MYOM2: variants seen among roughly 807,000 people sequenced by gnomAD.
MYOM2 encodes the protein myomesin-2.
A neutral mutation model predicts 187.6 loss-of-function variants in MYOM2; 254 were observed. The observed-to-expected ratio is 1.35, with a 90% CI of 1.22 to 1.50. The LOEUF is 1.50. Among genes scored for constraint, MYOM2 ranks in the 40% most tolerant of loss-of-function variants. The probability of loss-of-function intolerance (pLI) is 0.00; values close to 1 mark genes in which losing one functional copy is unlikely to be tolerated. For synonymous variants in MYOM2, 981 were observed against 753.8 expected (o/e 1.30, Z -4.94); for missense variants, 2,796 against 1,924.0 (o/e 1.45, Z -8.48).
At chr8:2,124,997 A>G (rs1797587924) in intron 31 of MYOM2, among the ~76,000 whole-genome samples, 1 of 152,100 alleles carries the variant, frequency 6.6e-6, no homozygotes, top group Admixed American at 6.5e-5. Context: ...TCCCTTAGCC[A>G]ATGCATAGCT....
intron 9 of MYOM2, 74 bp from the exon 10 acceptor site, chr8:2,073,265 C>T: frequency 6.6e-7 from 1 of 1,510,566 alleles, no homozygotes. Flanking sequence ...TGAGACGACG[C>T]TGGTGTCCCC....
intron 6 of MYOM2, among the ~76,000 whole-genome samples, 173 bp downstream of exon 6, chr8:2,059,418 G>T (rs565323368): frequency 7.9e-5 from 12 of 152,254 alleles, no homozygotes; most frequent in African/African-American, 9.6e-5. Context: ...GCTTCCCTTT[G>T]TTTTTCTTTA....
chr8:2,066,260 C>A (rs3779856), intron 6 of MYOM2, among the ~76,000 whole-genome samples: 1 of 152,182 alleles, frequency 6.6e-6, no homozygotes, highest in Non-Finnish European at 1.5e-5. Flanking sequence ...TTTATGGCTC[C>A]CTCCTTGAGA....
intron 21 of MYOM2, 31 bp downstream of exon 21, chr8:2,102,812 C>CTGTTCTGT: frequency 1.3e-6 from 2 of 1,519,236 alleles, no homozygotes; most frequent in Non-Finnish European, 1.8e-6. Flanking sequence ...TACAAAACAG[C>CTGTTCTGT]AATGATTTGT....
At position 2,096,420 on chromosome 8, in the gene MYOM2, C is replaced by T. The variant is rs766631569; in HGVS notation, c.2299C>T (p.Pro767Ser). ...WHEVNSSPSK[P>S]TILTVDGLTE... ...CGAGGTCAATTCCTCACCCAGCAAACCGACAATCCTAACGGTCAGTTGGTT... is the reference window on the plus strand; with the variant it reads ...CGAGGTCAATTCCTCACCCAGCAAATCGACAATCCTAACGGTCAGTTGGTT... Residue 767 changes from proline to serine, a missense_variant, in exon 18 of 37, where the codon CCG (proline) becomes TCG (serine). Physicochemically the swap from Pro to Ser is moderately conservative, Grantham distance 74. Transcript: ENST00000262113. The T allele has an allele frequency of 1.9e-6, 3 of 1,614,150 alleles. No individual in the cohort carries two copies. Among genetic ancestry groups the T allele is most frequent in the Non-Finnish European group, 2.5e-6 (3 of 1,180,010 alleles).
chr8:2,055,802 G>T (rs964074525), intron 3 of MYOM2, among the ~76,000 whole-genome samples: 1 of 152,170 alleles, frequency 6.6e-6, no homozygotes, highest in Non-Finnish European at 1.5e-5. Flanking sequence ...ACCTGCAGCG[G>T]GTCTCAGTTC....
chr8:2,054,990 G>A (rs77858246), intron 3 of MYOM2, among the ~76,000 whole-genome samples: 15 of 96,032 alleles, frequency 1.6e-4, no homozygotes, highest in African/African-American at 3.8e-4. Flanking sequence ...ATACTGGGGG[G>A]ACGAAGTACC....
At chr8:2,049,375 A>T (rs1818410482) in intron 1 of MYOM2, among the ~76,000 whole-genome samples, 2 of 152,086 alleles carry the variant, frequency 1.3e-5, no homozygotes, top group Admixed American at 1.3e-4. Context: ...AGTTTGGGTA[A>T]TCGCTAGTGA....
At chr8:2,087,696 C>T (rs1336068557) in intron 14 of MYOM2, among the ~76,000 whole-genome samples, 1 of 152,192 alleles carries the variant, frequency 6.6e-6, no homozygotes, top group Non-Finnish European at 1.5e-5. Flanking sequence ...CTGCAGTCTC[C>T]ACCTCCTGGG....
In MYOM2 at chr8:2,086,362, C is replaced by CACGTGGCCACA. The variant is rs1796050419; in HGVS notation, c.1644+972_1644+973insACGTGGCCACA. Among the ~76,000 whole-genome samples, 50 of 59,164 alleles carry CACGTGGCCACA rather than the reference C, an allele frequency of 8.5e-4. 2 individuals carry two copies. Among genetic ancestry groups the CACGTGGCCACA allele is most frequent in the Non-Finnish European group, 1.2e-3 (34 of 27,284 alleles). 38.8% of individuals were successfully genotyped at this position (59,164 alleles called of 152,430 possible). A position where few individuals can be genotyped will look rare whatever the true frequency, so the allele number is the denominator to read the frequency against. ...ACTGTTGTGATCTCTGCGTGGCCTC[C>CACGTGGCCACA]CACTGTTGTGATCTCTGCGTGGCCT... On this transcript the variant is annotated intron_variant, in intron 14 of 36. Transcript: ENST00000262113.
intron 11 of MYOM2, 30 bp downstream of exon 11, chr8:2,076,312 G>C (rs1435950804): frequency 6.8e-6 from 11 of 1,609,962 alleles, no homozygotes; most frequent in Non-Finnish European, 9.3e-6. Context: ...CCGGGGATGG[G>C]AACGTTCCGC....
At chr8:2,094,177 A>T (rs954376767) in intron 17 of MYOM2, 86 bp downstream of exon 17, 5 of 1,529,518 alleles carry the variant, frequency 3.3e-6, no homozygotes, top group Non-Finnish European at 4.4e-6. Context: ...GCCATTTGGA[A>T]TGTCATTGAA....
chr8:2,122,455 C>G (rs1200231256), intron 28 of MYOM2, among the ~76,000 whole-genome samples: 2 of 152,214 alleles, frequency 1.3e-5, no homozygotes, highest in African/African-American at 4.8e-5. Context: ...GAGAACGATG[C>G]CATTTCCCAT....
intron 18 of MYOM2, among the ~76,000 whole-genome samples, chr8:2,097,637 C>T (rs948120109): frequency 1.2e-4 from 18 of 152,246 alleles, no homozygotes; most frequent in African/African-American, 4.3e-4. Flanking sequence ...GCCTTAGCCT[C>T]CTGAGTAGCT....
Position 2,086,405 on chromosome 8 carries a change from T to C in MYOM2, c.1644+1015T>C, listed in dbSNP as rs1214117042. Reference sequence around the variant, plus strand: ...CGTGGCCTCCCACTGTTGTGATCTCTGCGTGGCCTCCCACTGTTGTGATCT... The same window carrying C: ...CGTGGCCTCCCACTGTTGTGATCTCCGCGTGGCCTCCCACTGTTGTGATCT... On this transcript the variant is annotated intron_variant, in intron 14 of 36. Coordinates refer to ENST00000262113, the MANE Select transcript of MYOM2 (RefSeq NM_003970.4). Among the ~76,000 whole-genome samples, 229 of 100,322 alleles carry C rather than the reference T, an allele frequency of 2.3e-3. 17 individuals carry two copies. Among genetic ancestry groups the C allele is most frequent in the Non-Finnish European group, 3.3e-3 (154 of 46,918 alleles). 65.8% of individuals were successfully genotyped at this position (100,322 alleles called of 152,430 possible).
chr8:2,098,346 G>T (rs566272916), intron 18 of MYOM2, among the ~76,000 whole-genome samples: 38 of 152,214 alleles, frequency 2.5e-4, no homozygotes, highest in African/African-American at 8.9e-4. Flanking sequence ...GGTGGCCCCA[G>T]ACTGCAGCAC....
chr8:2,073,304 T>C, intron 9 of MYOM2, 35 bp from the exon 10 acceptor site: 2 of 1,580,500 alleles, frequency 1.3e-6, no homozygotes, highest in Non-Finnish European at 1.7e-6. Flanking sequence ...TGGGGTGATT[T>C]TGGATGCAAA....
At chr8:2,088,458 T>C (rs1796172285) in intron 14 of MYOM2, among the ~76,000 whole-genome samples, 1 of 152,180 alleles carries the variant, frequency 6.6e-6, no homozygotes, top group Admixed American at 6.5e-5. Flanking sequence ...GTGTCTATCG[T>C]TGCCATCTTC....
rs1453910372 is a variant in MYOM2 at position 2,085,682 on chromosome 8, G to A, written c.1644+292G>A. ...GTGATCTCTGCGTGGCCCCACTGTC[G>A]TGATCTCTGCGTGGCCCCCCACTGT... On this transcript the variant is annotated intron_variant, in intron 14 of 36. Coordinates refer to ENST00000262113, the MANE Select transcript of MYOM2 (RefSeq NM_003970.4). 2.8e-3 allele frequency among the ~76,000 whole-genome samples: 39 copies of A among 14,060 alleles called. 17 individuals carry two copies. Among genetic ancestry groups the A allele is most frequent in the Non-Finnish European group, 3.8e-3 (33 of 8,776 alleles). 9.2% of individuals were successfully genotyped at this position (14,060 alleles called of 152,430 possible).
Sources: gnomAD v4.1 joint callset for allele counts (sites outside exome capture counted in the v4.1 genomes callset) on GRCh38, gnomAD v4.1.1 for gene constraint, MANE v1.5 for transcripts, NCBI Gene and HGNC (gene_info 2026-07-23, HGNC 2026-07-21) for gene names.